The following SLC5A1 variants were observed in gnomAD, a reference collection of about 807,000 sequenced individuals.
SLC5A1 encodes solute carrier family 5 member 1, also known as sodium/glucose cotransporter 1.
A neutral mutation model predicts 73.5 loss-of-function variants in SLC5A1; 42 were observed. That is an observed-to-expected ratio of 0.57 (90% CI 0.45 to 0.74). The LOEUF is 0.74. SLC5A1 is among the 30% of genes least tolerant of loss of function. The pLI is 0.00. For missense variants in SLC5A1, 634 were observed against 855.4 expected (o/e 0.74, Z 3.23); for synonymous variants, 300 against 317.4 (o/e 0.95, Z 0.58).
At chr22:32,090,935 A>G (rs528866648) in intron 10 of SLC5A1, among the ~76,000 whole-genome samples, 9 of 152,144 alleles carry the variant, frequency 5.9e-5, no homozygotes, top group Admixed American at 1.3e-4. Flanking sequence ...TATCATAGCT[A>G]TCCTAGTGGG....
At chr22:32,067,245 A>T (rs980574567) in intron 3 of SLC5A1, among the ~76,000 whole-genome samples, 2 of 152,240 alleles carry the variant, frequency 1.3e-5, no homozygotes, top group African/African-American at 4.8e-5. Flanking sequence ...CTGGTATGAC[A>T]GCAATAGTAT....
intron 7 of SLC5A1, among the ~76,000 whole-genome samples, 176 bp downstream of exon 7, chr22:32,083,330 G>C (rs2149492019): frequency 6.6e-6 from 1 of 152,294 alleles, no homozygotes; most frequent in African/African-American, 2.4e-5. Flanking sequence ...GGTATGCAGG[G>C]TCAGCTTCCT....
intron 5 of SLC5A1, among the ~76,000 whole-genome samples, chr22:32,074,460 T>C (rs1017176400): frequency 1.3e-5 from 2 of 152,116 alleles, no homozygotes; most frequent in Admixed American, 6.5e-5. Flanking sequence ...CTCTGTGTGA[T>C]TTTTGAGGCT....
rs374098008 is a variant in SLC5A1 at position 32,084,804 on chromosome 22, G to A, written c.886-96G>A. The A allele has an allele frequency of 3.2e-6, 5 of 1,574,434 alleles. No individual in the cohort carries two copies. The African/African-American group carries it at 5.4e-5, about 17-fold the overall frequency. ...TGCCACGCCCCAGTGATACAGCAGT[G>A]CCAGGCCAATGACCCAAGATGGCGA... On this transcript the variant is annotated intron_variant, in intron 8 of 14. Coordinates refer to ENST00000266088, the MANE Select transcript of SLC5A1 (RefSeq NM_000343.4).
At chr22:32,070,975 GGA>G (rs1164762863) in intron 5 of SLC5A1, among the ~76,000 whole-genome samples, 1 of 152,192 alleles carries the variant, frequency 6.6e-6, no homozygotes, top group Admixed American at 6.5e-5. Context: ...AATAATTGAA[GGA>G]GCTGGCTCCT....
At chr22:32,060,150 C>CATATATATAT (rs1408523603) in intron 2 of SLC5A1, among the ~76,000 whole-genome samples, 10 of 29,900 alleles carry the variant, frequency 3.3e-4, no homozygotes, top group Admixed American at 5.6e-4. Flanking sequence ...CACATACACA[C>CATATATATAT]ACACACACAC....
In SLC5A1 at chr22:32,068,535, G is replaced by C; in HGVS notation, c.412G>C (p.Gly138Arg). The change falls in exon 5 of 15, where the codon GGC becomes CGC. Residue 138 changes from glycine to arginine, a missense_variant. Gly to Arg is a moderately radical substitution (Grantham distance 125). Transcript: ENST00000266088. ...AGAGTACCTGAGGAAGCGGTTTGGA[G>C]GCCAGCGGATCCAGGTCTACCTTTC... is the stretch of plus-strand genomic sequence containing the variant. ...MPEYLRKRFG[G>R]QRIQVYLSLL... 1 of 1,614,018 alleles carries C rather than the reference G, an allele frequency of 6.2e-7. No homozygotes were observed. Among genetic ancestry groups the C allele is most frequent in the Non-Finnish European group, 8.5e-7 (1 of 1,179,980 alleles).
At chr22:32,104,983 A>G (rs2149498371) in intron 14 of SLC5A1, 92 bp downstream of exon 14, 4 of 937,244 alleles carry the variant, frequency 4.3e-6, no homozygotes, top group East Asian at 5.0e-5. Context: ...TAATTTTATC[A>G]GAGCTCAGAT....
At chr22:32,103,108 A>G (rs2094039354) in intron 13 of SLC5A1, among the ~76,000 whole-genome samples, 1 of 152,190 alleles carries the variant, frequency 6.6e-6, no homozygotes. Flanking sequence ...TTGCTGGATC[A>G]TATGGTGGCT....
In SLC5A1 at chr22:32,110,115, A is replaced by G; in HGVS notation, c.1897A>G (p.Thr633Ala). Reference sequence around the variant, plus strand: ...GGAGAAAGCCATGAAGATGAAGATGACGGACACCTCTGAGAAGCCTTTGTG... The same window carrying G: ...GGAGAAAGCCATGAAGATGAAGATGGCGGACACCTCTGAGAAGCCTTTGTG... Reference protein sequence around the residue: ...EEEKAMKMKMTDTSEKPLWRT... With the variant: ...EEEKAMKMKMADTSEKPLWRT... The change falls in exon 15 of 15, where the codon ACG (threonine) becomes GCG (alanine). Residue 633 changes from threonine to alanine, a missense_variant. Around this residue, in one of 3 missense-constraint regions of SLC5A1, gnomAD observed 161 missense variants for 178.7 expected, o/e 0.90. Coordinates refer to ENST00000266088, the MANE Select transcript of SLC5A1 (RefSeq NM_000343.4). The G allele has an allele frequency of 6.2e-7, 1 of 1,614,150 alleles. No individual in the cohort carries two copies. Among genetic ancestry groups the G allele is most frequent in the Non-Finnish European group, 8.5e-7 (1 of 1,179,984 alleles).
chr22:32,095,306 T>C (rs2094024457), intron 11 of SLC5A1, among the ~76,000 whole-genome samples: 1 of 152,188 alleles, frequency 6.6e-6, no homozygotes, highest in Non-Finnish European at 1.5e-5. Context: ...ATGAATACAA[T>C]GTATATTCTG....
At chr22:32,069,387 T>C (rs936018112) in intron 5 of SLC5A1, among the ~76,000 whole-genome samples, 3 of 152,106 alleles carry the variant, frequency 2.0e-5, no homozygotes, top group Admixed American at 6.6e-5. Flanking sequence ...ACAATGTGTT[T>C]TGAAAATCAG....
chr22:32,048,943 G>A (rs2149482970), intron 1 of SLC5A1, among the ~76,000 whole-genome samples: 1 of 151,966 alleles, frequency 6.6e-6, no homozygotes, highest in South Asian at 2.1e-4. Context: ...AGTAGCACAT[G>A]CCTGTAGTCC....
intron 12 of SLC5A1, among the ~76,000 whole-genome samples, chr22:32,101,180 C>T (rs2094035696): frequency 6.6e-6 from 1 of 152,134 alleles, no homozygotes; most frequent in Non-Finnish European, 1.5e-5. Context: ...AAGAGGCTGA[C>T]CAGCACCTGA....
chr22:32,102,030 T>C lies in SLC5A1; in HGVS notation c.1458T>C (p.Phe486=), dbSNP rs753955673. The change falls in exon 13 of 15, where the codon TTT becomes TTC. Residue 486 remains phenylalanine, a synonymous_variant. Transcript: ENST00000266088. ...AGGGTTTTCTTTCACAGGGAGCCTT[T>C]TGGGGACTGATCCTAGGACTTCTGA... ...FWKRVNEPGA[F]WGLILGLLIG... is the part of the protein sequence containing the mutation. 1.2e-6 allele frequency: 2 copies of C among 1,613,786 alleles called. No homozygotes were observed. The highest frequency in any genetic ancestry group is 2.2e-5 in the East Asian group (1 of 44,880).
At chr22:32,070,282 C>T (rs1033173686) in intron 5 of SLC5A1, among the ~76,000 whole-genome samples, 3 of 119,252 alleles carry the variant, frequency 2.5e-5, no homozygotes, top group Non-Finnish European at 5.2e-5. Context: ...TCCCCCCTCC[C>T]TCCCTTCTTC....
intron 5 of SLC5A1, among the ~76,000 whole-genome samples, chr22:32,069,011 A>G (rs558717021): frequency 5.9e-5 from 9 of 152,346 alleles, no homozygotes; most frequent in African/African-American, 1.9e-4. Flanking sequence ...TAGAATCAAT[A>G]TAAGTCCCAT....
intron 10 of SLC5A1, among the ~76,000 whole-genome samples, chr22:32,087,926 A>T (rs2094010800): frequency 6.6e-6 from 1 of 152,184 alleles, no homozygotes; most frequent in Non-Finnish European, 1.5e-5. Flanking sequence ...GGCATGCTTA[A>T]CGCTGCTCAA....
At chr22:32,096,072 T>G (rs1459448282) in intron 11 of SLC5A1, among the ~76,000 whole-genome samples, 2 of 152,160 alleles carry the variant, frequency 1.3e-5, no homozygotes, top group Non-Finnish European at 2.9e-5. Context: ...GTGGATCCTC[T>G]TGGCTTTCCT....
Sources: allele counts gnomAD v4.1 joint callset (sites outside exome capture counted in the v4.1 genomes callset), GRCh38; gene constraint gnomAD v4.1.1; regional missense constraint gnomAD v4.1.1; transcripts MANE v1.5; gene names NCBI Gene and HGNC (gene_info 2026-07-23, HGNC 2026-07-21).